Variants in ATP2C2 observed in about 807,000 individuals in gnomAD.
The protein encoded by ATP2C2 is ATPase secretory pathway Ca2+ transporting 2, also known as calcium-transporting ATPase type 2C member 2.
ATP2C2 carries 171 observed loss-of-function variants against 110.8 expected under a neutral mutation model. The ratio of observed to expected loss-of-function variants is 1.54; its 90% CI spans 1.36 to 1.75. The LOEUF is 1.75. ATP2C2 is among the 40% of genes most tolerant of loss of function. The pLI is 0.00. For missense variants in ATP2C2, 1,963 were observed against 1,235.0 expected (o/e 1.59, Z -8.84); for synonymous variants, 804 against 508.4 (o/e 1.58, Z -7.82).
At chr16:84,442,477 C>T in intron 14 of ATP2C2, 33 bp from the exon 15 acceptor site, 1 of 1,608,398 alleles carries the variant, frequency 6.2e-7, no homozygotes, top group Non-Finnish European at 8.5e-7. Flanking sequence ...GAGCCCAGTA[C>T]TAACTACAGA....
chr16:84,397,655 C>CAA lies in ATP2C2; in HGVS notation c.100-827_100-826dup, dbSNP rs58934576. 4.1e-4 allele frequency among the ~76,000 whole-genome samples: 26 copies of CAA among 63,506 alleles called. 3 individuals are homozygous for CAA. Among genetic ancestry groups the CAA allele is most frequent in the South Asian group, 8.1e-4 (1 of 1,230 alleles). 41.7% of individuals were successfully genotyped at this position (63,506 alleles called of 152,430 possible). ...CACCACTGCACTCCAGCCTGGGTGA[C>CAA]AAAAAAAAAAAAAAAAAACTTGCTT... On this transcript the variant is annotated intron_variant, in intron 1 of 26. Transcript: ENST00000262429.
At chr16:84,453,612 C>G (rs1910522368) in intron 20 of ATP2C2, among the ~76,000 whole-genome samples, 1 of 152,160 alleles carries the variant, frequency 6.6e-6, no homozygotes, top group Non-Finnish European at 1.5e-5. Context: ...GCCAGCAACA[C>G]TTGCGCTGAC....
Position 84,423,262 on chromosome 16 carries a change from C to G in ATP2C2, c.918C>G (p.Ile306Met). 6.2e-7 allele frequency: 1 copy of G among 1,613,524 alleles called. No individual in the cohort carries two copies. The highest frequency in any genetic ancestry group is 8.5e-7 in the Non-Finnish European group (1 of 1,179,488). Residue 306 changes from isoleucine to methionine, a missense_variant and splice_region_variant, in exon 10 of 27, where the codon ATC (isoleucine) becomes ATG (methionine). By Grantham distance (10) the Ile-to-Met change is conservative. Transcript: ENST00000262429. ...KQLTLFSFGI[I>M]GLIMLIGWSQ... ...TGACACTCTTCTCCTTTGGCATAAT[C>G]GGTGAGTGAAGCAGTTTCCATACTG...
intron 1 of ATP2C2, among the ~76,000 whole-genome samples, chr16:84,376,825 A>G (rs1214442585): frequency 1.3e-5 from 2 of 152,234 alleles, no homozygotes; most frequent in Non-Finnish European, 2.9e-5. Flanking sequence ...TGAAGCCTCA[A>G]GGCCAACACC....
chr16:84,409,984 G>A (rs769889786), intron 4 of ATP2C2, among the ~76,000 whole-genome samples: 4 of 152,030 alleles, frequency 2.6e-5, no homozygotes, highest in Admixed American at 2.0e-4. Context: ...CCTGGGGGGT[G>A]GATCACGAGG....
At position 84,460,634 on chromosome 16, in the gene ATP2C2, CTG is replaced by C. The variant is rs780389971; in HGVS notation, c.2334-16_2334-15del. 3.1e-6 allele frequency: 5 copies of C among 1,614,132 alleles called. No individual in the cohort carries two copies. The highest frequency in any genetic ancestry group is 1.7e-4 in the Middle Eastern group (1 of 6,060). ...TCATTCCTGGTTCATTTCAAAGTGT[CTG>C]TGTCTTGTTCGGAGCAGCTTGGGGG... On this transcript the variant is annotated intron_variant, in intron 23 of 26. Coordinates refer to ENST00000262429, the MANE Select transcript of ATP2C2 (RefSeq NM_014861.4).
chr16:84,439,867 G>T (rs1909085946), intron 13 of ATP2C2, among the ~76,000 whole-genome samples: 1 of 152,140 alleles, frequency 6.6e-6, no homozygotes, highest in Non-Finnish European at 1.5e-5. Context: ...ACAGAGTCTT[G>T]CTCCGTCACC....
At chr16:84,444,472 C>CA (rs1286186349) in intron 15 of ATP2C2, among the ~76,000 whole-genome samples, 1 of 152,084 alleles carries the variant, frequency 6.6e-6, no homozygotes, top group South Asian at 2.1e-4. Context: ...GACTCCGTCT[C>CA]AAAAAAACAA....
At chr16:84,424,326 T>G (rs1377713835) in intron 10 of ATP2C2, among the ~76,000 whole-genome samples, 1 of 152,190 alleles carries the variant, frequency 6.6e-6, no homozygotes, top group Non-Finnish European at 1.5e-5. Context: ...TTGCCCAGAC[T>G]GGAGAGCAGT....
intron 1 of ATP2C2, among the ~76,000 whole-genome samples, chr16:84,386,423 C>T (rs919726267): frequency 6.6e-6 from 1 of 152,196 alleles, no homozygotes; most frequent in Non-Finnish European, 1.5e-5. Flanking sequence ...TTACCATTAG[C>T]ATATTTCCTT....
At position 84,425,737 on chromosome 16, in the gene ATP2C2, C is replaced by G. The variant is rs748758130; in HGVS notation, c.922C>G (p.Leu308Val). ...LTLFSFGIIG[L>V]IMLIGWSQGK... ...GGATGTTTTTGTCTCTTCCCCAGGT[C>G]TCATCATGCTCATTGGCTGGTCGCA... Residue 308 changes from leucine (L) to valine (V), a missense_variant and splice_region_variant, in exon 11 of 27, where the codon CTC becomes GTC. By Grantham distance (32) the Leu-to-Val change is conservative. Coordinates refer to ENST00000262429, the MANE Select transcript of ATP2C2 (RefSeq NM_014861.4). 1.9e-6 allele frequency: 3 copies of G among 1,614,098 alleles called. No individual in the cohort carries two copies. The highest frequency in any genetic ancestry group is 2.5e-6 in the Non-Finnish European group (3 of 1,179,998).
intron 6 of ATP2C2, among the ~76,000 whole-genome samples, chr16:84,412,938 A>T (rs996728653): frequency 1.7e-5 from 2 of 118,060 alleles, no homozygotes; most frequent in African/African-American, 5.4e-5. Context: ...TCTACTAAAA[A>T]TTAAAAAAAA....
In ATP2C2 at chr16:84,451,717, A is replaced by G. The variant is rs139329740; in HGVS notation, c.1661-204A>G. ...GCTGGGCCTGGAGGCGCATGCCCGT[A>G]ATCCCAGCTACTCAAGAGGCTGAGG... is the stretch of plus-strand genomic sequence containing the variant. On this transcript the variant is annotated intron_variant, in intron 17 of 26. Transcript: ENST00000262429. 8.9e-3 allele frequency among the ~76,000 whole-genome samples: 1,359 copies of G among 152,292 alleles called. 24 individuals are homozygous for G. Among genetic ancestry groups the G allele is most frequent in the African/African-American group, 0.031 (1,276 of 41,546 alleles).
At chr16:84,451,179 C>A (rs1364252509) in intron 17 of ATP2C2, among the ~76,000 whole-genome samples, 1 of 152,066 alleles carries the variant, frequency 6.6e-6, no homozygotes, top group Admixed American at 6.5e-5. Flanking sequence ...AGAATGAGAG[C>A]CAAGCCTAAG....
At chr16:84,445,017 G>GA (rs1000169420) in intron 15 of ATP2C2, among the ~76,000 whole-genome samples, 16 of 152,134 alleles carry the variant, frequency 1.1e-4, no homozygotes, top group African/African-American at 3.9e-4. Flanking sequence ...AAAACACACT[G>GA]AAACACAGCT....
In ATP2C2 at chr16:84,395,636, A is replaced by T. The variant is rs114906516; in HGVS notation, c.100-2863A>T. Among the ~76,000 whole-genome samples, 3 of 151,766 alleles carry T rather than the reference A, an allele frequency of 2.0e-5. No individual in the cohort carries two copies. The East Asian group carries it at 5.8e-4, about 29-fold the overall frequency. On this transcript the variant is annotated intron_variant, in intron 1 of 26. Coordinates refer to ENST00000262429, the MANE Select transcript of ATP2C2 (RefSeq NM_014861.4). ...CAATTCTCCCTGACTCAGCCTCCAG[A>T]GTCGCTGAGATTACAGATGCCTGCC...
At chr16:84,434,541 G>A (rs1908572246) in intron 11 of ATP2C2, among the ~76,000 whole-genome samples, 1 of 151,290 alleles carries the variant, frequency 6.6e-6, no homozygotes, top group Admixed American at 6.6e-5. Context: ...TTTTTGAGAT[G>A]GAGTCTCTCT....
chr16:84,454,189 C>T (rs1597872224), intron 20 of ATP2C2, among the ~76,000 whole-genome samples: 1 of 152,196 alleles, frequency 6.6e-6, no homozygotes, highest in South Asian at 2.1e-4. Context: ...CTATTAATGC[C>T]GTCAGCTGAT....
At position 84,460,793 on chromosome 16, in the gene ATP2C2, T is replaced by C. The variant is rs1322347188; in HGVS notation, c.2473T>C (p.Trp825Arg). 2 of 1,612,126 alleles carry C rather than the reference T, an allele frequency of 1.2e-6. No individual in the cohort carries two copies. Among genetic ancestry groups the C allele is most frequent in the Non-Finnish European group, 1.7e-6 (2 of 1,178,448 alleles). ...IIISGTLFIFWKEMPEDRAST... is the reference protein window; with the variant it reads ...IIISGTLFIFRKEMPEDRAST... ...CATCAGCGGGACCCTCTTTATCTTC[T>C]GGAAGGAGGTGAGCGAGGGTCACCC... Residue 825 changes from tryptophan (W) to arginine (R), a missense_variant, in exon 24 of 27, where the codon TGG becomes CGG. Trp to Arg is a moderately radical substitution (Grantham distance 101). Transcript: ENST00000262429.
Sources: allele counts gnomAD v4.1 joint callset (sites outside exome capture counted in the v4.1 genomes callset), GRCh38; gene constraint gnomAD v4.1.1; transcripts MANE v1.5; gene names NCBI Gene and HGNC (gene_info 2026-07-23, HGNC 2026-07-21).